Variants in SLCO3A1 observed in about 807,000 individuals in gnomAD.
SLCO3A1 encodes the protein PGE1 transporter.
Under a neutral mutation model 63.1 loss-of-function variants are expected in SLCO3A1, and 27 were observed. The ratio of observed to expected loss-of-function variants is 0.43; its 90% CI spans 0.32 to 0.59. SLCO3A1 has a LOEUF of 0.59. Among genes scored for constraint, SLCO3A1 ranks in the 20% least tolerant of loss-of-function variants. SLCO3A1 has a pLI of 0.09. For synonymous variants in SLCO3A1, 473 were observed against 409.9 expected (o/e 1.15, Z -1.86); for missense variants, 773 against 945.8 (o/e 0.82, Z 2.40).
At chr15:91,945,933 T>G (rs1304323909) in intron 2 of SLCO3A1, among the ~76,000 whole-genome samples, 1 of 152,188 alleles carries the variant, frequency 6.6e-6, no homozygotes, top group Non-Finnish European at 1.5e-5. Context: ...ATGAGAAAAA[T>G]CCCAGATAAT....
At chr15:91,945,376 A>G (rs56100108) in intron 2 of SLCO3A1, among the ~76,000 whole-genome samples, 12,398 of 151,028 alleles carry the variant, frequency 0.082, 573 homozygotes, top group African/African-American at 0.094. Flanking sequence ...CTGGCACTGG[A>G]TTCTGTACTG....
chr15:92,058,169 G>A (rs2047044052), intron 2 of SLCO3A1, among the ~76,000 whole-genome samples: 2 of 142,754 alleles, frequency 1.4e-5, no homozygotes, highest in African/African-American at 6.0e-5. Flanking sequence ...GTGTGTGAGT[G>A]TGTGTGTGTG....
intron 2 of SLCO3A1, among the ~76,000 whole-genome samples, chr15:91,959,736 A>AAG (rs1253818675): frequency 6.6e-6 from 1 of 151,406 alleles, no homozygotes; most frequent in African/African-American, 2.4e-5. Flanking sequence ...AAAAAAAAAA[A>AAG]AAAAAAAGAA....
chr15:92,054,136 C>CA (rs2046994196), intron 2 of SLCO3A1, among the ~76,000 whole-genome samples: 1 of 152,208 alleles, frequency 6.6e-6, no homozygotes, highest in South Asian at 2.1e-4. Flanking sequence ...CAGCTTTGGC[C>CA]ACTGGGGGCT....
rs151289123 is a variant in SLCO3A1, at chr15:92,096,619, T to A, written c.745+1640T>A. ...CATGCCGATCTATCCTCAGGATCAG[T>A]AAGAATTCTCAGTCCCCAGGTTCTC... On this transcript the variant is annotated intron_variant, in intron 3 of 9. Transcript: ENST00000318445. Among the ~76,000 whole-genome samples the A allele has an allele frequency of 4.6e-3, 694 of 152,312 alleles. 4 individuals carry two copies. Among genetic ancestry groups the A allele is most frequent in the African/African-American group, 0.014 (581 of 41,574 alleles).
At position 91,988,223 on chromosome 15, in the gene SLCO3A1, C is replaced by T. The variant is rs183433148; in HGVS notation, c.646+71765C>T. On this transcript the variant is annotated intron_variant, in intron 2 of 9. Transcript: ENST00000318445. The stretch of plus-strand genomic sequence containing the variant: ...TTTAAGACCAGCCTGGGCAATGTGG[C>T]GAAACCTCGTCTCTACAAAAAAAAT... 5.2e-3 allele frequency among the ~76,000 whole-genome samples: 795 copies of T among 151,856 alleles called. 4 individuals carry two copies. The highest frequency in any genetic ancestry group is 0.018 in the African/African-American group (762 of 41,400).
intron 2 of SLCO3A1, among the ~76,000 whole-genome samples, chr15:92,053,878 C>G (rs908833951): frequency 6.6e-6 from 1 of 151,942 alleles, no homozygotes; most frequent in African/African-American, 2.4e-5. Context: ...AAGCTGCCCT[C>G]TTTTCCTCTT....
intron 2 of SLCO3A1, among the ~76,000 whole-genome samples, chr15:91,981,107 T>C (rs1002331490): frequency 5.3e-5 from 8 of 152,116 alleles, no homozygotes; most frequent in African/African-American, 1.7e-4. Flanking sequence ...GCCACATTCC[T>C]CAGAGTGACA....
rs1402054020 is a variant in SLCO3A1, at chr15:92,033,008, A to G, written c.647-61873A>G. On this transcript the variant is annotated intron_variant, in intron 2 of 9. Transcript: ENST00000318445. This position sits in a 1 kb window ranked among gnomAD's most constrained non-coding sequence, Gnocchi z 4.5. ...CATCAGGGGAAGTCCATGTCAGTGG[A>G]TTTAGCTGGTAGTGTGGGATGTGGG... 6.6e-6 allele frequency among the ~76,000 whole-genome samples: 1 copy of G among 152,140 alleles called. No individual in the cohort carries two copies. Among genetic ancestry groups the G allele is most frequent in the Non-Finnish European group, 1.5e-5 (1 of 68,026 alleles).
chr15:92,038,355 G>A (rs762076228), intron 2 of SLCO3A1, among the ~76,000 whole-genome samples: 3 of 152,178 alleles, frequency 2.0e-5, no homozygotes, highest in Non-Finnish European at 4.4e-5. Context: ...AAAGGGAAAT[G>A]CATGGGAATG....
At chr15:92,089,412 C>T (rs1465560063) in intron 2 of SLCO3A1, among the ~76,000 whole-genome samples, 1 of 152,178 alleles carries the variant, frequency 6.6e-6, no homozygotes, top group African/African-American at 2.4e-5. Context: ...TGTAGCCCCT[C>T]ACCATCATGT....
intron 3 of SLCO3A1, among the ~76,000 whole-genome samples, chr15:92,101,162 C>G (rs922809930): frequency 6.6e-6 from 1 of 152,150 alleles, no homozygotes; most frequent in African/African-American, 2.4e-5. Flanking sequence ...CGGACAATTA[C>G]CAACAGGTGG....
intron 2 of SLCO3A1, among the ~76,000 whole-genome samples, chr15:92,020,105 T>C (rs2046489341): frequency 6.6e-6 from 1 of 152,226 alleles, no homozygotes; most frequent in Admixed American, 6.5e-5. Flanking sequence ...TCAGTTGTTA[T>C]ATATCTGGGA....
chr15:92,041,599 T>G (rs1383739070), intron 2 of SLCO3A1, among the ~76,000 whole-genome samples: 1 of 152,194 alleles, frequency 6.6e-6, no homozygotes, highest in Non-Finnish European at 1.5e-5. Flanking sequence ...GATGGAGATG[T>G]CAGGTTTCAC....
chr15:92,136,150 C>G (rs1274343960), intron 7 of SLCO3A1, among the ~76,000 whole-genome samples: 3 of 152,176 alleles, frequency 2.0e-5, no homozygotes, highest in Non-Finnish European at 4.4e-5. Flanking sequence ...TGTATCTCTG[C>G]TAACTGCTTT....
At chr15:92,142,046 C>T (rs1386170635) in intron 7 of SLCO3A1, among the ~76,000 whole-genome samples, 1 of 152,220 alleles carries the variant, frequency 6.6e-6, no homozygotes, top group Non-Finnish European at 1.5e-5. Context: ...CATCTCCTAC[C>T]CAGCCTCTCT....
intron 1 of SLCO3A1, among the ~76,000 whole-genome samples, chr15:91,892,225 A>G (rs748078665): frequency 6.6e-6 from 1 of 152,184 alleles, no homozygotes; most frequent in Non-Finnish European, 1.5e-5. Context: ...ATGGTTCTTG[A>G]ATTGAACCTG....
At chr15:91,914,813 C>T (rs969814823) in intron 1 of SLCO3A1, among the ~76,000 whole-genome samples, 1 of 152,152 alleles carries the variant, frequency 6.6e-6, no homozygotes. Context: ...CTCAAGTGAC[C>T]TGCCCACCTC....
rs940803244 is a variant in SLCO3A1, at chr15:91,954,072, G to A, written c.646+37614G>A. The stretch of plus-strand genomic sequence containing the variant: ...CACAGGTGTGTGTTCTGTTAGCCAT[G>A]GGCGATGTCTTCACAGAGCATGTAG... On this transcript the variant is annotated intron_variant, in intron 2 of 9. Transcript: ENST00000318445. The surrounding 1 kb of genome is among the most constrained non-coding windows in gnomAD (Gnocchi z 4.7). Among the ~76,000 whole-genome samples the A allele has an allele frequency of 2.0e-5, 3 of 152,190 alleles. No homozygotes were observed. The highest frequency in any genetic ancestry group is 2.9e-5 in the Non-Finnish European group (2 of 68,022).
Sources: allele counts gnomAD v4.1 joint callset (sites outside exome capture counted in the v4.1 genomes callset), GRCh38; gene constraint gnomAD v4.1.1; non-coding constraint Gnocchi (gnomAD v3.1); transcripts MANE v1.5; gene names NCBI Gene and HGNC (gene_info 2026-07-23, HGNC 2026-07-21).